Variants in IL6R observed in about 807,000 individuals in gnomAD.
IL6R encodes interleukin 6 receptor.
In IL6R, 38 loss-of-function variants were observed where a neutral mutation model predicts 48.3. That is an observed-to-expected ratio of 0.79 (90% confidence interval 0.61 to 1.03). The LOEUF (loss-of-function observed/expected upper bound fraction) is 1.03, where lower values mean the gene tolerates loss of function less well. Ranked by LOEUF, IL6R falls within the 50% of genes least tolerant of loss-of-function variation. The probability of loss-of-function intolerance (pLI) is 0.00; values close to 1 mark genes in which losing one functional copy is unlikely to be tolerated. For missense variants in IL6R, 534 were observed against 618.3 expected (o/e 0.86, Z 1.45); for synonymous variants, 264 against 256.2 (o/e 1.03, Z -0.29).
At chr1:154,458,568 G>T (rs1027521303) in intron 9 of IL6R, among the ~76,000 whole-genome samples, 2 of 152,052 alleles carry the variant, frequency 1.3e-5, no homozygotes, top group Non-Finnish European at 2.9e-5. Context: ...TACATTTGAC[G>T]GGAGGAAACT....
chr1:154,435,855 A>T, intron 5 of IL6R, 114 bp from the exon 6 acceptor site: 2 of 893,804 alleles, frequency 2.2e-6, no homozygotes, highest in Non-Finnish European at 3.3e-6. Context: ...GGGAGCCTCT[A>T]GAGGCCTCTG....
chr1:154,408,458 A>G (rs72698116), intron 1 of IL6R, among the ~76,000 whole-genome samples: 3,306 of 151,962 alleles, frequency 0.022, 57 homozygotes, highest in East Asian at 0.047. Context: ...GGGCTGAGAA[A>G]CCCCAGACTC....
intron 6 of IL6R, among the ~76,000 whole-genome samples, chr1:154,440,217 TATAAC>T (rs1689856371): frequency 6.6e-6 from 1 of 152,068 alleles, no homozygotes; most frequent in Non-Finnish European, 1.5e-5. Context: ...ATTCATGTGG[TATAAC>T]ATGTGTCAGA....
intron 1 of IL6R, among the ~76,000 whole-genome samples, chr1:154,416,789 A>G (rs1169579356): frequency 1.3e-5 from 2 of 152,184 alleles, no homozygotes; most frequent in Non-Finnish European, 2.9e-5. Context: ...AGAGTGACAC[A>G]CCTACGAAAG....
chr1:154,465,447 TG>T lies in IL6R; in HGVS notation c.*68del. 2 of 1,553,846 alleles carry T rather than the reference TG, an allele frequency of 1.3e-6. No individual in the cohort carries two copies. The highest frequency in any genetic ancestry group is 4.5e-5 in the East Asian group (2 of 44,396). On this transcript the variant is annotated 3_prime_UTR_variant, in exon 10 of 10. Coordinates refer to ENST00000368485, the MANE Select transcript of IL6R (RefSeq NM_000565.4). ...AAACACAAACGGGCTCAGCAAAAGA[TG>T]CTTCTCACTGCCATGCCAGCTTATC... is the stretch of plus-strand genomic sequence containing the variant.
Position 154,434,983 on chromosome 1 carries a change from C to T in IL6R, c.641-7C>T. The T allele has an allele frequency of 6.2e-7, 1 of 1,613,576 alleles. No individual in the cohort carries two copies. Among genetic ancestry groups the T allele is most frequent in the Non-Finnish European group, 8.5e-7 (1 of 1,179,862 alleles). On this transcript the variant is annotated splice_region_variant and splice_polypyrimidine_tract_variant and intron_variant, in intron 4 of 9. Coordinates refer to ENST00000368485, the MANE Select transcript of IL6R (RefSeq NM_000565.4). ...CTGCAAAGGAGTCATGCTCACTTTT[C>T]CCACAGTGCAGCCTGATCCGCCTGC... is the stretch of plus-strand genomic sequence containing the variant.
rs759471272 is a variant in IL6R at position 154,435,051 on chromosome 1, C to T, written c.702C>T (p.Leu234=). ...CCGTGGCCAGAAACCCCCGCTGGCT[C>T]AGTGTCACCTGGCAAGACCCCCACT... ...VTAVARNPRW[L]SVTWQDPHSW... The change falls in exon 5 of 10, where the codon CTC becomes CTT. Residue 234 remains leucine, a synonymous_variant. Coordinates refer to ENST00000368485, the MANE Select transcript of IL6R (RefSeq NM_000565.4). 24 of 1,614,054 alleles carry T rather than the reference C, an allele frequency of 1.5e-5. No homozygotes were observed. In the South Asian group the frequency reaches 2.3e-4, roughly 16 times the overall value.
intron 1 of IL6R, among the ~76,000 whole-genome samples, chr1:154,425,697 C>T (rs1264725292): frequency 6.6e-6 from 1 of 151,858 alleles, no homozygotes; most frequent in East Asian, 1.9e-4. Context: ...TCAGTTGAGC[C>T]CAGGAATTAG....
intron 1 of IL6R, chr1:154,415,082 C>T: frequency 7.5e-7 from 1 of 1,341,482 alleles, no homozygotes; most frequent in Non-Finnish European, 1.0e-6. Flanking sequence ...CTTCCCTGCA[C>T]TTGCTAAGAT....
intron 6 of IL6R, chr1:154,444,950 A>G (rs1399343707): frequency 2.5e-6 from 1 of 406,764 alleles, no homozygotes; most frequent in Non-Finnish European, 4.9e-6. Context: ...CCCCCCCCAA[A>G]TGAGGAAGGG....
At chr1:154,462,920 G>T (rs1691350929) in intron 9 of IL6R, among the ~76,000 whole-genome samples, 1 of 152,148 alleles carries the variant, frequency 6.6e-6, no homozygotes, top group Non-Finnish European at 1.5e-5. Flanking sequence ...CAATTCTCCT[G>T]CGTCAGCCTC....
chr1:154,431,693 C>T (rs1689303892), intron 3 of IL6R, among the ~76,000 whole-genome samples: 1 of 152,094 alleles, frequency 6.6e-6, no homozygotes, highest in South Asian at 2.1e-4. Flanking sequence ...CATTGTGACT[C>T]AGTGTTAGGC....
intron 1 of IL6R, chr1:154,414,725 A>G: frequency 4.9e-6 from 4 of 815,484 alleles, no homozygotes; most frequent in Middle Eastern, 4.7e-4. Flanking sequence ...TGCTCCAGGG[A>G]CACAGGGTTT....
At chr1:154,447,351 A>G (rs949701886) in intron 6 of IL6R, among the ~76,000 whole-genome samples, 1 of 148,244 alleles carries the variant, frequency 6.7e-6, no homozygotes. Context: ...AGGAAGAAGA[A>G]TCGCTTGAAC....
rs754516763 is a variant in IL6R, at chr1:154,436,064, C to G, written c.903C>G (p.Gly301=). 1 of 1,612,852 alleles carries G rather than the reference C, an allele frequency of 6.2e-7. No homozygotes were observed. The highest frequency in any genetic ancestry group is 8.5e-7 in the Non-Finnish European group (1 of 1,179,328). The stretch of plus-strand genomic sequence containing the variant: ...GTGCCCAGGAGGAGTTCGGGCAAGG[C>G]GAGTGGAGCGAGTGGAGCCCGGAGG... ...QLRAQEEFGQ[G]EWSEWSPEAM... is the part of the protein sequence containing the mutation. The change falls in exon 6 of 10, where the codon GGC becomes GGG. Residue 301 remains glycine (G), a synonymous_variant. Transcript: ENST00000368485.
At chr1:154,439,483 T>C (rs1402407664) in intron 6 of IL6R, among the ~76,000 whole-genome samples, 1 of 151,936 alleles carries the variant, frequency 6.6e-6, no homozygotes, top group Non-Finnish European at 1.5e-5. Flanking sequence ...ACTGGCTAAT[T>C]TTTATATTTT....
chr1:154,422,042 G>T (rs1570937554), intron 1 of IL6R, among the ~76,000 whole-genome samples: 1 of 152,138 alleles, frequency 6.6e-6, no homozygotes, highest in African/African-American at 2.4e-5. Context: ...TGCCTCCTGG[G>T]TTCAAGTGAT....
intron 1 of IL6R, among the ~76,000 whole-genome samples, chr1:154,418,229 T>G (rs747734885): frequency 1.4e-4 from 22 of 152,186 alleles, no homozygotes; most frequent in Non-Finnish European, 5.9e-5. Flanking sequence ...GGTTGTACCT[T>G]CTTGGACTGG....
At chr1:154,418,363 G>C (rs1558302158) in intron 1 of IL6R, 2 of 977,678 alleles carry the variant, frequency 2.0e-6, no homozygotes, top group African/African-American at 3.5e-5. Flanking sequence ...GTCCAAAGGA[G>C]CCTCCCTCCC....
Sources: allele counts gnomAD v4.1 joint callset (sites outside exome capture counted in the v4.1 genomes callset), GRCh38; gene constraint gnomAD v4.1.1; transcripts MANE v1.5; gene names NCBI Gene and HGNC (gene_info 2026-07-23, HGNC 2026-07-21).